EPHA6: variants seen among roughly 807,000 people sequenced by gnomAD.
EPHA6 encodes the protein ephrin type-A receptor 6.
In EPHA6, 50 loss-of-function variants were observed where a neutral mutation model predicts 112.0. The ratio of observed to expected loss-of-function variants is 0.45; its 90% CI spans 0.36 to 0.56. The LOEUF (loss-of-function observed/expected upper bound fraction) is 0.56, where lower values mean the gene tolerates loss of function less well. Among genes scored for constraint, EPHA6 ranks in the 20% least tolerant of loss-of-function variants. The pLI is 0.00. For synonymous variants in EPHA6, 529 were observed against 490.7 expected, an observed-to-expected ratio of 1.08 and a Z score of -1.03; for missense variants, 1,280 against 1,417.4, an observed-to-expected ratio of 0.90 and a Z score of 1.56.
intron 11 of EPHA6, among the ~76,000 whole-genome samples, chr3:97,587,771 CT>C (rs2093504611): frequency 6.6e-6 from 1 of 152,028 alleles, no homozygotes; most frequent in Non-Finnish European, 1.5e-5. Flanking sequence ...TATTTGCTTA[CT>C]TGGGCCTTTA....
At position 97,758,699 on chromosome 3, in the gene EPHA6, C is replaced by T. The variant is rs1235475719; in HGVS notation, c.*9998C>T. On this transcript the variant is annotated 3_prime_UTR_variant, in exon 18 of 18. Coordinates refer to ENST00000389672, the MANE Select transcript of EPHA6 (RefSeq NM_001080448.3). ...TCCTTTAAGCGGTAGAGGAAATCTT[C>T]CCCCAAGGACATGCCATTTAAACTG... is the stretch of plus-strand genomic sequence containing the variant. Among the ~76,000 whole-genome samples, 1 of 151,852 alleles carries T rather than the reference C, an allele frequency of 6.6e-6. No individual in the cohort carries two copies. Among genetic ancestry groups the T allele is most frequent in the Non-Finnish European group, 1.5e-5 (1 of 67,872 alleles).
rs1229004808 is a variant in EPHA6, at chr3:96,911,580, A to T, written c.450+44691A>T. ...CTGTAATTTTAAAGCAAAAAAAATG[A>T]AATTAATAAAATCAAAGTTTAACAT... On this transcript the variant is annotated intron_variant, in intron 2 of 17. Transcript: ENST00000389672. Among the ~76,000 whole-genome samples, 3 of 152,192 alleles carry T rather than the reference A, an allele frequency of 2.0e-5. No individual in the cohort carries two copies. The East Asian group carries it at 5.8e-4, about 29-fold the overall frequency.
At chr3:97,473,649 C>CA (rs1181702462) in intron 7 of EPHA6, among the ~76,000 whole-genome samples, 1 of 151,792 alleles carries the variant, frequency 6.6e-6, no homozygotes. Context: ...GCTTTATCTT[C>CA]AAAAAGATAA....
intron 3 of EPHA6, among the ~76,000 whole-genome samples, chr3:97,079,574 G>A (rs749642035): frequency 2.2e-4 from 32 of 147,030 alleles, no homozygotes; most frequent in Admixed American, 2.0e-3. Flanking sequence ...TTTAACAATC[G>A]TGCACATGTA....
chr3:96,938,601 T>A (rs1263884137), intron 2 of EPHA6, among the ~76,000 whole-genome samples: 1 of 152,070 alleles, frequency 6.6e-6, no homozygotes. Context: ...ACTCTTTATT[T>A]CCTTTTCCTG....
intron 2 of EPHA6, among the ~76,000 whole-genome samples, chr3:96,918,576 AACTT>A (rs1195688532): frequency 6.6e-6 from 1 of 152,052 alleles, no homozygotes; most frequent in African/African-American, 2.4e-5. Flanking sequence ...ATACTTTGGG[AACTT>A]ACTTTTATAA....
intron 11 of EPHA6, among the ~76,000 whole-genome samples, chr3:97,559,986 G>A (rs2093166918): frequency 6.6e-6 from 1 of 151,710 alleles, no homozygotes; most frequent in South Asian, 2.1e-4. Context: ...TCAAAGAGAG[G>A]GGGAAAGATA....
intron 2 of EPHA6, among the ~76,000 whole-genome samples, chr3:96,959,193 T>C (rs1246843352): frequency 1.3e-5 from 2 of 152,298 alleles, no homozygotes; most frequent in Non-Finnish European, 2.9e-5. Flanking sequence ...TGTTTGTTTG[T>C]AGGCATCCTA....
At chr3:97,065,308 C>A (rs1206059681) in intron 3 of EPHA6, among the ~76,000 whole-genome samples, 1 of 152,124 alleles carries the variant, frequency 6.6e-6, no homozygotes, top group Non-Finnish European at 1.5e-5. Context: ...CACATTGAAT[C>A]TCTTGGTTAA....
chr3:96,982,946 GTC>G (rs1346343996), intron 2 of EPHA6, among the ~76,000 whole-genome samples: 4 of 152,100 alleles, frequency 2.6e-5, no homozygotes, highest in African/African-American at 9.7e-5. Flanking sequence ...GCCTATGTGT[GTC>G]TCTGCATATG....
chr3:97,616,157 C>G (rs973542228), intron 13 of EPHA6, among the ~76,000 whole-genome samples: 6 of 152,120 alleles, frequency 3.9e-5, no homozygotes, highest in African/African-American at 1.2e-4. Flanking sequence ...ACTGGTGATA[C>G]CTTCAGGTAC....
chr3:97,393,549 T>A (rs2086538034), intron 5 of EPHA6, among the ~76,000 whole-genome samples: 1 of 151,854 alleles, frequency 6.6e-6, no homozygotes, highest in African/African-American at 2.4e-5. Context: ...TTTCAACTCA[T>A]CATTAATACA....
intron 9 of EPHA6, 51 bp downstream of exon 9, chr3:97,479,415 C>A: frequency 1.6e-6 from 2 of 1,261,014 alleles, no homozygotes; most frequent in South Asian, 1.5e-5. Flanking sequence ...TCCAGCACTT[C>A]AGGAGTTCAT....
chr3:97,675,117 C>A (rs1277328088), intron 14 of EPHA6, among the ~76,000 whole-genome samples: 3 of 152,124 alleles, frequency 2.0e-5, no homozygotes, highest in Non-Finnish European at 4.4e-5. Context: ...CAATTAGAGA[C>A]CTGCATCAAT....
rs148940773 is a variant in EPHA6, at chr3:97,633,161, C to T, written c.2575-4712C>T. Among the ~76,000 whole-genome samples the T allele has an allele frequency of 2.7e-3, 418 of 152,140 alleles. 3 individuals are homozygous for T. The highest frequency in any genetic ancestry group is 9.6e-3 in the African/African-American group (400 of 41,520). ...TGGTGTCTGAGAGAGTCTGATGGAG[C>T]TCTGCAGCTTTTAGAAACAGCAGGC... On this transcript the variant is annotated intron_variant, in intron 13 of 17. Coordinates refer to ENST00000389672, the MANE Select transcript of EPHA6 (RefSeq NM_001080448.3).
At chr3:97,520,057 T>G (rs1360528144) in intron 10 of EPHA6, among the ~76,000 whole-genome samples, 1 of 150,322 alleles carries the variant, frequency 6.7e-6, no homozygotes, top group Non-Finnish European at 1.5e-5. Flanking sequence ...AAGCTCTGCC[T>G]CCCGGGTTCA....
At chr3:96,980,017 T>C (rs2042696444) in intron 2 of EPHA6, among the ~76,000 whole-genome samples, 1 of 152,186 alleles carries the variant, frequency 6.6e-6, no homozygotes, top group Admixed American at 6.5e-5. Flanking sequence ...TTCACTCTGA[T>C]GGTGGTTTCT....
chr3:97,135,896 C>T (rs141444583), intron 3 of EPHA6, among the ~76,000 whole-genome samples: 148 of 151,934 alleles, frequency 9.7e-4, no homozygotes, highest in African/African-American at 3.1e-3. Context: ...AAGTTAAAAC[C>T]ACAGCAGCAA....
intron 3 of EPHA6, among the ~76,000 whole-genome samples, chr3:97,142,059 G>T (rs941170102): frequency 1.3e-5 from 2 of 151,890 alleles, no homozygotes; most frequent in South Asian, 2.1e-4. Flanking sequence ...TTTAGTGGTG[G>T]TATTTCCATT....
Sources: allele counts gnomAD v4.1 joint callset (sites outside exome capture counted in the v4.1 genomes callset), GRCh38; gene constraint gnomAD v4.1.1; transcripts MANE v1.5; gene names NCBI Gene and HGNC (gene_info 2026-07-23, HGNC 2026-07-21).